USH1G: variants seen among roughly 807,000 people sequenced by gnomAD.
USH1G encodes the protein USH1 protein network component sans, also known as pre-mRNA splicing regulator USH1G.
A neutral mutation model predicts 31.9 loss-of-function variants in USH1G; 27 were observed. The ratio of observed to expected loss-of-function variants is 0.85; its 90% CI spans 0.62 to 1.17. The LOEUF is 1.17. Among genes scored for constraint, USH1G ranks in the 50% most tolerant of loss-of-function variants. The pLI, the probability that USH1G is intolerant of heterozygous loss-of-function variation, is 0.00. For synonymous variants in USH1G, 266 were observed against 283.2 expected (o/e 0.94, Z 0.61); for missense variants, 674 against 638.9 (o/e 1.05, Z -0.59).
In USH1G at chr17:74,917,222, G is replaced by C. The variant is rs553241289; in HGVS notation, c.*851C>G. ...ACCCTGTTCTGCCTGTCCCAGGCCT[G>C]GGAGACTGAGGAGGTTGGCGGACAC... On this transcript the variant is annotated 3_prime_UTR_variant, in exon 3 of 3. Coordinates refer to ENST00000614341, the MANE Select transcript of USH1G (RefSeq NM_173477.5). 2 of 152,534 alleles carry C rather than the reference G, an allele frequency of 1.3e-5. No homozygotes were observed. Among genetic ancestry groups the C allele is most frequent in the African/African-American group, 4.8e-5 (2 of 41,600 alleles). 9.4% of individuals were successfully genotyped at this position (152,534 alleles called of 1,614,324 possible). A position where few individuals can be genotyped will look rare whatever the true frequency, so the allele number is the denominator to read the frequency against.
At position 74,923,116 on chromosome 17, in the gene USH1G, GC is replaced by G. The variant is rs2038966654; in HGVS notation, c.-44del. The G allele has an allele frequency of 5.2e-6, 8 of 1,529,412 alleles. No individual in the cohort carries two copies. The highest frequency in any genetic ancestry group is 1.2e-5 in the South Asian group (1 of 82,124). The allele number at this position is 1,529,412 out of a possible 1,614,324, so 94.7% of individuals were successfully genotyped here. A position where few individuals can be genotyped will look rare whatever the true frequency, so the allele number is the denominator to read the frequency against. On this transcript the variant is annotated 5_prime_UTR_variant, in exon 1 of 3. Transcript: ENST00000614341. The surrounding 1 kb of genome is among the most constrained non-coding windows in gnomAD (Gnocchi z 5.3). ...GGGCGGGCGGGGGACACGGAGAAAG[GC>G]CCCCCGCAGGGGAGGGCGGCGGTAT...
rs2038891642 is a variant in USH1G at position 74,918,408 on chromosome 17, C to T, written c.1383-332G>A. On this transcript the variant is annotated intron_variant, in intron 2 of 2. Coordinates refer to ENST00000614341, the MANE Select transcript of USH1G (RefSeq NM_173477.5). The surrounding 1 kb of genome is among the most constrained non-coding windows in gnomAD (Gnocchi z 4.1). ...ACAGCATGACCATTGTGGTGGCAGC[C>T]TTGGGCAACTATGACGGCCTTTGGA... is the stretch of plus-strand genomic sequence containing the variant. Among the ~76,000 whole-genome samples the T allele has an allele frequency of 6.6e-6, 1 of 152,224 alleles. No individual in the cohort carries two copies. The highest frequency in any genetic ancestry group is 2.1e-4 in the South Asian group (1 of 4,834).
In USH1G at chr17:74,918,651, T is replaced by G. The variant is rs1214175945; in HGVS notation, c.1383-575A>C. ...GGCCAACATGGCAAAACCCCATCTC[T>G]ACTAAAAATACAGAAATTAGCTGGG... On this transcript the variant is annotated intron_variant, in intron 2 of 2. Coordinates refer to ENST00000614341, the MANE Select transcript of USH1G (RefSeq NM_173477.5). This position sits in a 1 kb window ranked among gnomAD's most constrained non-coding sequence, Gnocchi z 4.1. Among the ~76,000 whole-genome samples, 6 of 152,000 alleles carry G rather than the reference T, an allele frequency of 3.9e-5. No individual in the cohort carries two copies. The highest frequency in any genetic ancestry group is 4.4e-5 in the Non-Finnish European group (3 of 67,998).
intron 1 of USH1G, 46 bp downstream of exon 1, chr17:74,922,864 G>T (rs1346043361): frequency 6.6e-7 from 1 of 1,524,730 alleles, no homozygotes; most frequent in Non-Finnish European, 8.9e-7. Flanking sequence ...GAGGAAGTTT[G>T]GGGTGGTCTC....
rs1214028437 is a variant in USH1G at position 74,920,460 on chromosome 17, T to G, written c.376A>C (p.Ser126Arg). The change falls in exon 2 of 3, where the codon AGC (serine) becomes CGC (arginine). Residue 126 changes from serine to arginine, a missense_variant. Ser to Arg is a moderately radical substitution (Grantham distance 110). Transcript: ENST00000614341. This position sits in a 1 kb window ranked among gnomAD's most constrained non-coding sequence, Gnocchi z 5.2. ...TTACCCACCAGCTTGGGGTTGAGGCTGCTCTGCTTGGCCGCGATGGAGTCC... is the reference window on the plus strand; with the variant it reads ...TTACCCACCAGCTTGGGGTTGAGGCGGCTCTGCTTGGCCGCGATGGAGTCC... ...YLDSIAAKQS[S>R]LNPKLVGKLK... The G allele has an allele frequency of 3.1e-6, 5 of 1,613,634 alleles. No homozygotes were observed. In the Admixed American group the frequency reaches 8.3e-5, roughly 27 times the overall value.
Position 74,923,167 on chromosome 17 carries a change from G to A in USH1G, c.-94C>T, listed in dbSNP as rs2038967649. On this transcript the variant is annotated 5_prime_UTR_variant, in exon 1 of 3. Transcript: ENST00000614341. The surrounding 1 kb of genome is among the most constrained non-coding windows in gnomAD (Gnocchi z 5.3). ...TTAGGGCTGAGGCATGAGGTTGGAGGACGGGGCCGGGCAGGGGCCGGGGCC... is the reference window on the plus strand; with the variant it reads ...TTAGGGCTGAGGCATGAGGTTGGAGAACGGGGCCGGGCAGGGGCCGGGGCC... 7.8e-7 allele frequency: 1 copy of A among 1,275,606 alleles called. No individual in the cohort carries two copies. Among genetic ancestry groups the A allele is most frequent in the Non-Finnish European group, 1.0e-6 (1 of 965,258 alleles). The allele number at this position is 1,275,606 out of a possible 1,614,324, so 79.0% of individuals were successfully genotyped here. A position where few individuals can be genotyped will look rare whatever the true frequency, so the allele number is the denominator to read the frequency against.
Position 74,918,080 on chromosome 17 carries a change from T to C in USH1G, c.1383-4A>G, listed in dbSNP as rs547358972. On this transcript the variant is annotated splice_region_variant and splice_polypyrimidine_tract_variant and intron_variant, in intron 2 of 2. Transcript: ENST00000614341. The surrounding 1 kb of genome is among the most constrained non-coding windows in gnomAD (Gnocchi z 4.1). ...GGGGAGAGGAGCCCCCGGTTATCTG[T>C]GGAGGAAGAGACAGAAAGAAACAGA... 8 of 1,613,982 alleles carry C rather than the reference T, an allele frequency of 5.0e-6. No homozygotes were observed. The East Asian group carries it at 6.7e-5, about 13-fold the overall frequency.
chr17:74,920,154 C>A lies in USH1G; in HGVS notation c.682G>T (p.Glu228Ter). ...TCCTCGGAGACCTTGAAGGTGCCTT[C>A]GCCGCCCTGCTTGCGCCGCTCCAGC... ...KKLERRKQGG[E>*]GTFKVSEDGR... is the part of the protein sequence containing the mutation. The change falls in exon 2 of 3, where the codon GAA becomes TAA. Residue 228 changes from glutamate (E) to a stop codon, truncating the protein, a stop_gained. Coordinates refer to ENST00000614341, the MANE Select transcript of USH1G (RefSeq NM_173477.5). LOFTEE classifies it high-confidence loss of function. The surrounding 1 kb of genome is among the most constrained non-coding windows in gnomAD (Gnocchi z 5.2). 1 of 1,602,090 alleles carries A rather than the reference C, an allele frequency of 6.2e-7. No homozygotes were observed. Among genetic ancestry groups the A allele is most frequent in the South Asian group, 1.1e-5 (1 of 91,078 alleles).
chr17:74,919,909 G>C lies in USH1G; in HGVS notation c.927C>G (p.Arg309=). ...GGAACACCATGGTGCCCAGGCCGGGGCGGGTAAACAGGGAGTCGTGGCCTG... is the reference window on the plus strand; with the variant it reads ...GGAACACCATGGTGCCCAGGCCGGGCCGGGTAAACAGGGAGTCGTGGCCTG... The part of the protein sequence containing the change: ...TDSGHDSLFT[R]PGLGTMVFRR... Residue 309 remains arginine, a synonymous_variant, in exon 2 of 3, where the codon CGC becomes CGG. Coordinates refer to ENST00000614341, the MANE Select transcript of USH1G (RefSeq NM_173477.5). The surrounding 1 kb of genome is among the most constrained non-coding windows in gnomAD (Gnocchi z 4.5). 6.2e-7 allele frequency: 1 copy of C among 1,613,234 alleles called. No homozygotes were observed. Among genetic ancestry groups the C allele is most frequent in the East Asian group, 2.2e-5 (1 of 44,878 alleles).
rs1321904575 is a variant in USH1G at position 74,917,681 on chromosome 17, CA to C, written c.*391del. The C allele has an allele frequency of 3.2e-5, 10 of 308,146 alleles. No homozygotes were observed. Among genetic ancestry groups the C allele is most frequent in the South Asian group, 1.6e-4 (4 of 24,416 alleles). 19.1% of individuals were successfully genotyped at this position (308,146 alleles called of 1,614,324 possible). On this transcript the variant is annotated 3_prime_UTR_variant, in exon 3 of 3. Transcript: ENST00000614341. ...CCTGAGCACAAGAGAACAAGACCAT[CA>C]GGGGAGGGGTGGGAGAGGCCACGGC...
rs779894692 is a variant in USH1G at position 74,921,215 on chromosome 17, G to T, written c.165-544C>A. Among the ~76,000 whole-genome samples, 9 of 152,044 alleles carry T rather than the reference G, an allele frequency of 5.9e-5. No homozygotes were observed. Among genetic ancestry groups the T allele is most frequent in the South Asian group, 2.1e-4 (1 of 4,834 alleles). ...GCAGGCAGGGCCCTGTCTGCAGGGA[G>T]CAGGGCCAGCCCTGGCAAGCCCGAG... On this transcript the variant is annotated intron_variant, in intron 1 of 2. Transcript: ENST00000614341. This position sits in a 1 kb window ranked among gnomAD's most constrained non-coding sequence, Gnocchi z 4.6.
At position 74,921,841 on chromosome 17, in the gene USH1G, C is replaced by T. The variant is rs2038946691; in HGVS notation, c.164+1069G>A. Among the ~76,000 whole-genome samples the T allele has an allele frequency of 1.3e-5, 2 of 152,166 alleles. No homozygotes were observed. The highest frequency in any genetic ancestry group is 4.8e-5 in the African/African-American group (2 of 41,434). ...TGGGGAAGGGCCAGCCAGCCTTGGC[C>T]TCACGGGACATGGTTCAGCTGCCCA... On this transcript the variant is annotated intron_variant, in intron 1 of 2. Coordinates refer to ENST00000614341, the MANE Select transcript of USH1G (RefSeq NM_173477.5). This position sits in a 1 kb window ranked among gnomAD's most constrained non-coding sequence, Gnocchi z 4.6.
Position 74,916,369 on chromosome 17 carries a change from C to G in USH1G, c.*1704G>C, listed in dbSNP as rs2038867651. 1 of 152,476 alleles carries G rather than the reference C, an allele frequency of 6.6e-6. No homozygotes were observed. The highest frequency in any genetic ancestry group is 6.5e-5 in the Admixed American group (1 of 15,288). 9.4% of individuals were successfully genotyped at this position (152,476 alleles called of 1,614,324 possible). Reference sequence around the variant, plus strand: ...GGCAGGCAGCCAAGCCCTCAGTGTCCTGCAGTAGGACAGGGACCATCTCCT... The same window carrying G: ...GGCAGGCAGCCAAGCCCTCAGTGTCGTGCAGTAGGACAGGGACCATCTCCT... On this transcript the variant is annotated 3_prime_UTR_variant, in exon 3 of 3. Coordinates refer to ENST00000614341, the MANE Select transcript of USH1G (RefSeq NM_173477.5).
chr17:74,919,661 A>T lies in USH1G; in HGVS notation c.1175T>A (p.Leu392Gln). Reference protein sequence around the residue: ...DEDLEPETSPLETFLASLHME... With the variant: ...DEDLEPETSPQETFLASLHME... Reference sequence around the variant, plus strand: ...GTGCAGAGAGGCCAGGAAGGTCTCCAGCGGGCTAGTCTCGGGCTCCAGGTC... The same window carrying T: ...GTGCAGAGAGGCCAGGAAGGTCTCCTGCGGGCTAGTCTCGGGCTCCAGGTC... Residue 392 changes from leucine (L) to glutamine (Q), a missense_variant, in exon 2 of 3, where the codon CTG (leucine) becomes CAG (glutamine). Transcript: ENST00000614341. This position sits in a 1 kb window ranked among gnomAD's most constrained non-coding sequence, Gnocchi z 4.5. The T allele has an allele frequency of 1.9e-6, 3 of 1,612,840 alleles. No individual in the cohort carries two copies. The highest frequency in any genetic ancestry group is 1.7e-6 in the Non-Finnish European group (2 of 1,180,032).
chr17:74,922,714 C>A (rs1377783834), intron 1 of USH1G, among the ~76,000 whole-genome samples, 196 bp downstream of exon 1: 1 of 152,120 alleles, frequency 6.6e-6, no homozygotes, highest in African/African-American at 2.4e-5. Context: ...CCCTCCTAGC[C>A]CCAGATCCAG....
rs930848035 is a variant in USH1G, at chr17:74,921,427, C to A, written c.165-756G>T. Among the ~76,000 whole-genome samples the A allele has an allele frequency of 1.3e-5, 2 of 152,026 alleles. No individual in the cohort carries two copies. Among genetic ancestry groups the A allele is most frequent in the African/African-American group, 2.4e-5 (1 of 41,380 alleles). ...CCTGTCCAGGGACCCCCGACAGCCCCCACAAGCACCCTTCACACCAGACGG... is the reference window on the plus strand; with the variant it reads ...CCTGTCCAGGGACCCCCGACAGCCCACACAAGCACCCTTCACACCAGACGG... On this transcript the variant is annotated intron_variant, in intron 1 of 2. Transcript: ENST00000614341. The surrounding 1 kb of genome is among the most constrained non-coding windows in gnomAD (Gnocchi z 4.6).
chr17:74,916,596 C>T lies in USH1G; in HGVS notation c.*1477G>A, dbSNP rs2038870064. On this transcript the variant is annotated 3_prime_UTR_variant, in exon 3 of 3. Coordinates refer to ENST00000614341, the MANE Select transcript of USH1G (RefSeq NM_173477.5). ...CCATGGCTGAGAAAGGAGGAGAGCACCTCTGCATGGGGTGCAAAGGGGCGC... is the reference window on the plus strand; with the variant it reads ...CCATGGCTGAGAAAGGAGGAGAGCATCTCTGCATGGGGTGCAAAGGGGCGC... The T allele has an allele frequency of 6.6e-6, 1 of 152,228 alleles. No homozygotes were observed. The highest frequency in any genetic ancestry group is 6.5e-5 in the Admixed American group (1 of 15,286). The allele number at this position is 152,228 out of a possible 1,614,324, so 9.4% of individuals were successfully genotyped here. A position where few individuals can be genotyped will look rare whatever the true frequency, so the allele number is the denominator to read the frequency against.
At chr17:74,922,618 G>C (rs552874333) in intron 1 of USH1G, among the ~76,000 whole-genome samples, 6 of 151,994 alleles carry the variant, frequency 3.9e-5, no homozygotes, top group African/African-American at 1.4e-4. Flanking sequence ...TGCTTCCAGG[G>C]GGACCCCAGC....
chr17:74,920,409 C>T lies in USH1G; in HGVS notation c.427G>A (p.Ala143Thr). Reference sequence around the variant, plus strand: ...GCGCACTCGCGGATGCGCCGCTCCGCCTCGCGGAAGGCCTTGTCCTTCAGC... The same window carrying T: ...GCGCACTCGCGGATGCGCCGCTCCGTCTCGCGGAAGGCCTTGTCCTTCAGC... ...GKLKDKAFRE[A>T]ERRIRECAKL... The change falls in exon 2 of 3, where the codon GCG (alanine) becomes ACG (threonine). Residue 143 changes from alanine to threonine, a missense_variant. Ala to Thr is a moderately conservative substitution (Grantham distance 58). Transcript: ENST00000614341. The surrounding 1 kb of genome is among the most constrained non-coding windows in gnomAD (Gnocchi z 5.2). 1.2e-6 allele frequency: 2 copies of T among 1,613,470 alleles called. No homozygotes were observed. The highest frequency in any genetic ancestry group is 1.7e-6 in the Non-Finnish European group (2 of 1,180,042).
Sources: gnomAD v4.1 joint callset for allele counts (sites outside exome capture counted in the v4.1 genomes callset) on GRCh38, gnomAD v4.1.1 for gene constraint, Gnocchi (gnomAD v3.1) non-coding constraint, MANE v1.5 for transcripts, NCBI Gene and HGNC (gene_info 2026-07-23, HGNC 2026-07-21) for gene names.